PTGER3: variants seen among roughly 807,000 people sequenced by gnomAD.
PTGER3 encodes prostaglandin E receptor 3.
A neutral mutation model predicts 34.7 loss-of-function variants in PTGER3; 22 were observed. The ratio of observed to expected loss-of-function variants is 0.63; its 90% confidence interval spans 0.45 to 0.91. The LOEUF (loss-of-function observed/expected upper bound fraction) is 0.91. Ranked by LOEUF, PTGER3 falls within the 40% of genes least tolerant of loss-of-function variation. The pLI, the probability that PTGER3 is intolerant of heterozygous loss-of-function variation, is 0.00. For synonymous variants in PTGER3, 241 were observed against 230.1 expected, an observed-to-expected ratio of 1.05 and a Z score of -0.43; for missense variants, 468 against 519.4, an observed-to-expected ratio of 0.90 and a Z score of 0.96.
chr1:70,884,254 C>A (rs147260809), intron 4 of PTGER3, among the ~76,000 whole-genome samples: 1 of 152,140 alleles, frequency 6.6e-6, no homozygotes, highest in Non-Finnish European at 1.5e-5. Flanking sequence ...ATTCTGATAG[C>A]CTCCAAGATA....
At chr1:70,943,877 A>AGG in intron 4 of PTGER3, among the ~76,000 whole-genome samples, 1 of 142,454 alleles carries the variant, frequency 7.0e-6, no homozygotes, top group Non-Finnish European at 1.6e-5. Flanking sequence ...AGAGAGAGAG[A>AGG]GCAGTAATAC....
chr1:70,983,557 A>G (rs550109890), intron 2 of PTGER3, among the ~76,000 whole-genome samples: 1 of 152,178 alleles, frequency 6.6e-6, no homozygotes, highest in South Asian at 2.1e-4. Flanking sequence ...ACTCTAAAGA[A>G]CCCAGCACAA....
At chr1:70,925,652 C>T (rs1648000756) in intron 4 of PTGER3, among the ~76,000 whole-genome samples, 1 of 151,888 alleles carries the variant, frequency 6.6e-6, no homozygotes, top group East Asian at 1.9e-4. Context: ...TGTTCAAGAA[C>T]AAACTAAACA....
intron 4 of PTGER3, among the ~76,000 whole-genome samples, chr1:70,919,125 C>G (rs1248862732): frequency 1.3e-5 from 2 of 152,036 alleles, no homozygotes; most frequent in African/African-American, 2.4e-5. Context: ...TTCTTTTATC[C>G]CTCTGCCCCT....
At chr1:71,036,793 C>T (rs1021122048) in intron 1 of PTGER3, among the ~76,000 whole-genome samples, 2 of 151,260 alleles carry the variant, frequency 1.3e-5, no homozygotes, top group East Asian at 1.9e-4. Flanking sequence ...GAGCCGAGAT[C>T]GTGCTACTGT....
At chr1:70,875,359 A>G (rs1212602448) in intron 4 of PTGER3, among the ~76,000 whole-genome samples, 1 of 152,240 alleles carries the variant, frequency 6.6e-6, no homozygotes, top group Non-Finnish European at 1.5e-5. Context: ...ACTAATCAGT[A>G]CTTAAGCAAG....
chr1:70,928,312 C>CA (rs112676930), intron 4 of PTGER3, among the ~76,000 whole-genome samples: 244 of 135,824 alleles, frequency 1.8e-3, no homozygotes, highest in East Asian at 5.2e-3. Context: ...CCTTTGATTA[C>CA]AAAAAAAAAA....
At chr1:71,027,080 A>G (rs889543984) in intron 1 of PTGER3, among the ~76,000 whole-genome samples, 1 of 152,196 alleles carries the variant, frequency 6.6e-6, no homozygotes, top group African/African-American at 2.4e-5. Flanking sequence ...ACCTTAAACA[A>G]GTAATAATAA....
chr1:71,012,478 T>C lies in PTGER3; in HGVS notation c.904A>G (p.Met302Val). The change falls in exon 2 of 4, where the codon ATG becomes GTG. Residue 302 changes from methionine to valine, a missense_variant. Met to Val is a conservative substitution (Grantham distance 21, BLOSUM62 1). Coordinates refer to ENST00000306666, the MANE Select transcript of PTGER3 (RefSeq NM_198719.2). ...GTCTGATTGAAGATCATTTTCAACA[T>C]CATTATCTAAGAAAAGGGGACAAAT... ...SVCWSPLLIM[M>V]LKMIFNQTSV... The C allele has an allele frequency of 6.2e-7, 1 of 1,611,444 alleles. No homozygotes were observed. The highest frequency in any genetic ancestry group is 8.5e-7 in the Non-Finnish European group (1 of 1,178,464).
chr1:71,002,520 AATTAC>A (rs935308942), intron 2 of PTGER3, among the ~76,000 whole-genome samples: 2 of 152,336 alleles, frequency 1.3e-5, no homozygotes, highest in Admixed American at 1.3e-4. Context: ...AAATATTTTA[AATTAC>A]ATATGGCCAA....
chr1:70,860,050 T>TG lies in PTGER3; in HGVS notation c.*24-7192dup, dbSNP rs551497743. Among the ~76,000 whole-genome samples the TG allele has an allele frequency of 3.9e-4, 52 of 133,728 alleles. No homozygotes were observed. In the East Asian group the frequency reaches 6.4e-3, roughly 16 times the overall value. The allele number at this position is 133,728 out of a possible 152,430, so 87.7% of individuals were successfully genotyped here. A position where few individuals can be genotyped will look rare whatever the true frequency, so the allele number is the denominator to read the frequency against. On this transcript the variant is annotated intron_variant, in intron 4 of 4. Coordinates refer to the PTGER3 transcript ENST00000370931. ...TATGGGACCGTAATATTAGAGTGGG[T>TG]GGGGGGGAGTGGGCGCTGGATTTGC... is the stretch of plus-strand genomic sequence containing the variant.
intron 3 of PTGER3, chr1:70,953,667 T>G: frequency 6.6e-7 from 1 of 1,507,712 alleles, no homozygotes; most frequent in African/African-American, 1.4e-5. Context: ...ACACGAACTT[T>G]CAATTTAAGG....
At chr1:70,856,276 A>G (rs1645801660) in intron 4 of PTGER3, among the ~76,000 whole-genome samples, 1 of 152,022 alleles carries the variant, frequency 6.6e-6, no homozygotes, top group Admixed American at 6.6e-5. Context: ...GAAGACATAA[A>G]AAAGCTACAA....
chr1:70,915,444 CT>C (rs1381355992), intron 4 of PTGER3, among the ~76,000 whole-genome samples: 1 of 151,852 alleles, frequency 6.6e-6, no homozygotes, highest in Non-Finnish European at 1.5e-5. Context: ...GATGAAACAA[CT>C]GAGAAAGAAG....
In PTGER3 at chr1:70,971,570, A is replaced by T; in HGVS notation, c.*160T>A. 7.8e-7 allele frequency: 1 copy of T among 1,282,250 alleles called. No homozygotes were observed. Among genetic ancestry groups the T allele is most frequent in the East Asian group, 3.1e-5 (1 of 31,946 alleles). The allele number at this position is 1,282,250 out of a possible 1,614,324, so 79.4% of individuals were successfully genotyped here. A position where few individuals can be genotyped will look rare whatever the true frequency, so the allele number is the denominator to read the frequency against. On this transcript the variant is annotated 3_prime_UTR_variant, in exon 4 of 4. Transcript: ENST00000306666. Reference sequence around the variant, plus strand: ...GGCATGGATTATAATAATAAAGTTGATCTCCATGGGTATTACTGACAAAAC... The same window carrying T: ...GGCATGGATTATAATAATAAAGTTGTTCTCCATGGGTATTACTGACAAAAC...
chr1:70,891,333 A>AT, intron 4 of PTGER3, among the ~76,000 whole-genome samples: 1 of 152,324 alleles, frequency 6.6e-6, no homozygotes, highest in East Asian at 1.9e-4. Flanking sequence ...CTGAATTCCC[A>AT]TTTGGTGTAA....
intron 1 of PTGER3, among the ~76,000 whole-genome samples, chr1:71,018,859 C>T (rs1303248085): frequency 6.6e-6 from 1 of 152,028 alleles, no homozygotes; most frequent in African/African-American, 2.4e-5. Flanking sequence ...ATTGAGAATG[C>T]AATGATTCTG....
chr1:70,964,180 C>G (rs181681053), intron 2 of PTGER3, among the ~76,000 whole-genome samples: 6 of 152,280 alleles, frequency 3.9e-5, no homozygotes, highest in Non-Finnish European at 1.5e-5. Flanking sequence ...TTTCCCGCAT[C>G]TTTCTGTCCT....
intron 4 of PTGER3, chr1:70,865,837 A>C (rs943430329): frequency 7.4e-7 from 1 of 1,344,796 alleles, no homozygotes; most frequent in African/African-American, 1.5e-5. Context: ...GAGGAGCCTG[A>C]AGAGAAGAGC....
Sources: gnomAD v4.1 joint callset for allele counts (sites outside exome capture counted in the v4.1 genomes callset) on GRCh38, gnomAD v4.1.1 for gene constraint, MANE v1.5 for transcripts, NCBI Gene and HGNC (gene_info 2026-07-23, HGNC 2026-07-21) for gene names.